Variants in MAGI1 observed in about 807,000 individuals in gnomAD.
The protein encoded by MAGI1 is membrane-associated guanylate kinase, WW and PDZ domain-containing protein 1.
MAGI1 carries 58 observed loss-of-function variants against 139.9 expected under a neutral mutation model. The observed-to-expected ratio is 0.41, with a 90% CI of 0.34 to 0.52. The LOEUF (loss-of-function observed/expected upper bound fraction) is 0.52. Among genes scored for constraint, MAGI1 ranks in the 20% least tolerant of loss-of-function variants. The pLI, the probability that MAGI1 is intolerant of heterozygous loss-of-function variation, is 0.12. For missense variants in MAGI1, 1,874 were observed against 1,901.6 expected (o/e 0.99, Z 0.27); for synonymous variants, 812 against 737.9 (o/e 1.10, Z -1.63).
chr3:65,780,032 A>C (rs1649241965), intron 1 of MAGI1, among the ~76,000 whole-genome samples: 1 of 131,436 alleles, frequency 7.6e-6, no homozygotes, highest in Non-Finnish European at 1.6e-5. Context: ...TGGGGGGGGA[A>C]GGGCAGGGGG....
chr3:65,839,091 G>A (rs1410380593), intron 1 of MAGI1, among the ~76,000 whole-genome samples: 1 of 152,142 alleles, frequency 6.6e-6, no homozygotes, highest in African/African-American at 2.4e-5. Flanking sequence ...AATTCTAGAT[G>A]AGTCCTTTAT....
chr3:65,886,163 C>A (rs903120967), intron 1 of MAGI1, among the ~76,000 whole-genome samples: 2 of 152,300 alleles, frequency 1.3e-5, no homozygotes, highest in Non-Finnish European at 2.9e-5. Context: ...CCGTATCTCC[C>A]TATTTTGCAT....
chr3:65,626,082 G>T (rs567841093), intron 1 of MAGI1, among the ~76,000 whole-genome samples: 108 of 152,206 alleles, frequency 7.1e-4, no homozygotes, highest in Non-Finnish European at 1.3e-3. Flanking sequence ...TGCAATGTAG[G>T]GTTTTAAATT....
At chr3:65,769,897 A>C (rs571843974) in intron 1 of MAGI1, among the ~76,000 whole-genome samples, 1 of 152,312 alleles carries the variant, frequency 6.6e-6, no homozygotes, top group South Asian at 2.1e-4. Flanking sequence ...AGCTTGAATA[A>C]CCATCAGTGA....
intron 1 of MAGI1, among the ~76,000 whole-genome samples, chr3:65,696,498 T>C (rs931834917): frequency 6.6e-6 from 1 of 152,154 alleles, no homozygotes; most frequent in African/African-American, 2.4e-5. Context: ...CATTAAATAT[T>C]TGTTGAATGA....
intron 17 of MAGI1, among the ~76,000 whole-genome samples, chr3:65,377,083 G>T (rs1157422291): frequency 6.6e-6 from 1 of 152,174 alleles, no homozygotes; most frequent in Non-Finnish European, 1.5e-5. Context: ...CAAATAACAT[G>T]AGGGACATTA....
intron 1 of MAGI1, among the ~76,000 whole-genome samples, chr3:65,787,624 G>T (rs1016413485): frequency 6.6e-6 from 1 of 150,734 alleles, no homozygotes; most frequent in Admixed American, 6.7e-5. Flanking sequence ...GGACTGCACC[G>T]CCTGGTAGGC....
chr3:65,950,185 AT>A (rs1386040089), intron 1 of MAGI1, among the ~76,000 whole-genome samples: 3 of 149,640 alleles, frequency 2.0e-5, no homozygotes, highest in Non-Finnish European at 4.4e-5. Flanking sequence ...GAAAAGCCAC[AT>A]TCAGTATTAA....
At chr3:65,867,600 T>C (rs562489177) in intron 1 of MAGI1, among the ~76,000 whole-genome samples, 40 of 152,194 alleles carry the variant, frequency 2.6e-4, no homozygotes, top group Admixed American at 2.1e-3. Flanking sequence ...CCAGGTATAG[T>C]GGCCCACGCC....
chr3:65,602,413 C>A (rs187450078), intron 2 of MAGI1, among the ~76,000 whole-genome samples: 20 of 152,226 alleles, frequency 1.3e-4, no homozygotes, highest in Admixed American at 5.9e-4. Flanking sequence ...AACCTGAAAA[C>A]ATCACGCTGA....
chr3:65,745,041 A>C (rs1271154463), intron 1 of MAGI1, among the ~76,000 whole-genome samples: 20 of 152,166 alleles, frequency 1.3e-4, no homozygotes, highest in Non-Finnish European at 2.8e-4. Context: ...CTTCCATACA[A>C]GCAGAATCAT....
intron 5 of MAGI1, among the ~76,000 whole-genome samples, chr3:65,457,634 T>C (rs1949491094): frequency 6.6e-6 from 1 of 152,132 alleles, no homozygotes; most frequent in African/African-American, 2.4e-5. Context: ...AGTATATAGA[T>C]ATACACTTGC....
chr3:66,038,192 C>A lies in MAGI1; in HGVS notation c.117G>T (p.Gly39=), dbSNP rs371444849. ...GVTVLGGAEH[G]EFPYVGAVAA... ...CCACCGCTCCGACGTACGGAAACTC[C>A]CCGTGCTCCGCGCCTCCCAGCACCG... The change falls in exon 1 of 23, where the codon GGG becomes GGT. Residue 39 remains glycine, a synonymous_variant. Transcript: ENST00000402939. 4.3e-6 allele frequency: 7 copies of A among 1,612,214 alleles called. No homozygotes were observed. The highest frequency in any genetic ancestry group is 1.7e-5 in the Admixed American group (1 of 59,974).
At chr3:65,806,285 C>T (rs925547880) in intron 1 of MAGI1, among the ~76,000 whole-genome samples, 4 of 151,804 alleles carry the variant, frequency 2.6e-5, no homozygotes, top group Admixed American at 6.6e-5. Context: ...AAAAATTAGC[C>T]GGGCATGGTA....
chr3:65,757,028 C>A (rs778128779), intron 1 of MAGI1, among the ~76,000 whole-genome samples: 5 of 152,174 alleles, frequency 3.3e-5, no homozygotes, highest in Non-Finnish European at 5.9e-5. Flanking sequence ...ACTGCAGAAT[C>A]TCATAATCTA....
chr3:65,970,194 G>A (rs1053866907), intron 1 of MAGI1, among the ~76,000 whole-genome samples: 6 of 152,306 alleles, frequency 3.9e-5, no homozygotes, highest in Admixed American at 6.5e-5. Context: ...ATGCTACAAC[G>A]TGAATAACCT....
Position 65,387,014 on chromosome 3 carries a change from A to C in MAGI1, c.2417-3391T>G. 3 of 743,638 alleles carry C rather than the reference A, an allele frequency of 4.0e-6. No individual in the cohort carries two copies. The East Asian group carries it at 8.0e-5, about 20-fold the overall frequency. 46.1% of individuals were successfully genotyped at this position (743,638 alleles called of 1,614,324 possible). A position where few individuals can be genotyped will look rare whatever the true frequency, so the allele number is the denominator to read the frequency against. ...TGCGTTTGGTCAACAAGAGCTCCAA[A>C]GCACTTCCCTTCATGCCCCTTTTTT... On this transcript the variant is annotated intron_variant, in intron 14 of 22. Transcript: ENST00000402939.
intron 9 of MAGI1, 59 bp downstream of exon 9, chr3:65,439,820 G>A (rs1948129861): frequency 4.4e-6 from 7 of 1,601,150 alleles, no homozygotes; most frequent in African/African-American, 4.0e-5. Context: ...GGGTGTCAGC[G>A]CTCAGATTTC....
At chr3:65,869,680 G>A (rs977056438) in intron 1 of MAGI1, among the ~76,000 whole-genome samples, 2 of 152,074 alleles carry the variant, frequency 1.3e-5, no homozygotes, top group African/African-American at 4.8e-5. Context: ...AATTACAGGA[G>A]TGAGCCACCG....
Sources: gnomAD v4.1 joint callset for allele counts (sites outside exome capture counted in the v4.1 genomes callset) on GRCh38, gnomAD v4.1.1 for gene constraint, MANE v1.5 for transcripts, NCBI Gene and HGNC (gene_info 2026-07-23, HGNC 2026-07-21) for gene names.